Variants in RAD51B observed in about 807,000 individuals in gnomAD.
RAD51B encodes RAD51 paralog B.
Under a neutral mutation model 42.2 loss-of-function variants are expected in RAD51B, and 38 were observed. The observed-to-expected ratio is 0.90, with a 90% CI of 0.70 to 1.18. The LOEUF is 1.18. RAD51B is among the 50% of genes most tolerant of loss of function. RAD51B has a pLI of 0.00. For synonymous variants in RAD51B, 154 were observed against 145.2 expected (o/e 1.06, Z -0.43); for missense variants, 373 against 400.7 (o/e 0.93, Z 0.59).
At chr14:68,511,296 A>G (rs1885711306) in intron 10 of RAD51B, among the ~76,000 whole-genome samples, 1 of 152,196 alleles carries the variant, frequency 6.6e-6, no homozygotes, top group Admixed American at 6.5e-5. Context: ...TGGAAGGGTT[A>G]CTGCAGCCTT....
intron 9 of RAD51B, among the ~76,000 whole-genome samples, chr14:68,441,307 C>T (rs2085279605): frequency 6.8e-6 from 1 of 147,474 alleles, no homozygotes; most frequent in Non-Finnish European, 1.5e-5. Context: ...CTTTGGGAGG[C>T]CGAGGTGGGT....
At chr14:68,245,653 C>T (rs1286439212) in intron 7 of RAD51B, among the ~76,000 whole-genome samples, 1 of 152,222 alleles carries the variant, frequency 6.6e-6, no homozygotes, top group Non-Finnish European at 1.5e-5. Context: ...ACTTTAGACG[C>T]ATATCCCTAA....
At chr14:68,088,020 TTATA>T (rs1376998719) in intron 7 of RAD51B, among the ~76,000 whole-genome samples, 1 of 132,834 alleles carries the variant, frequency 7.5e-6, no homozygotes, top group African/African-American at 2.9e-5. Flanking sequence ...TAATATATTA[TTATA>T]TATAATTATA....
chr14:68,242,752 C>A (rs1251486311), intron 7 of RAD51B, among the ~76,000 whole-genome samples: 2 of 152,188 alleles, frequency 1.3e-5, no homozygotes, highest in Non-Finnish European at 2.9e-5. Context: ...ATATTTGTGA[C>A]AACCACATGA....
At chr14:67,861,945 C>G (rs986672490) in intron 4 of RAD51B, among the ~76,000 whole-genome samples, 11 of 141,040 alleles carry the variant, frequency 7.8e-5, no homozygotes, top group Non-Finnish European at 1.1e-4. Context: ...GTATACTCTT[C>G]AAAAATGTTA....
intron 8 of RAD51B, among the ~76,000 whole-genome samples, chr14:68,352,258 CG>C (rs2082806311): frequency 6.6e-6 from 1 of 152,174 alleles, no homozygotes; most frequent in Non-Finnish European, 1.5e-5. Context: ...GCTTAAACAA[CG>C]TTGTGGTGCT....
At chr14:67,985,777 G>A (rs1272733351) in intron 7 of RAD51B, among the ~76,000 whole-genome samples, 1 of 152,090 alleles carries the variant, frequency 6.6e-6, no homozygotes. Context: ...TGGTGTGGTG[G>A]TGCGTCCCTG....
intron 5 of RAD51B, among the ~76,000 whole-genome samples, chr14:67,871,795 A>G (rs1474495846): frequency 1.3e-5 from 2 of 152,290 alleles, no homozygotes; most frequent in African/African-American, 4.8e-5. Flanking sequence ...ATGCAAATCA[A>G]TAAATGTAAT....
intron 7 of RAD51B, among the ~76,000 whole-genome samples, chr14:67,900,965 T>C (rs10145884): frequency 0.062 from 9,505 of 152,242 alleles, 709 homozygotes; most frequent in African/African-American, 0.18. Flanking sequence ...AGTTTTTGTC[T>C]CATGACCAAG....
chr14:68,215,198 G>A (rs79762235), intron 7 of RAD51B, among the ~76,000 whole-genome samples: 3,105 of 152,240 alleles, frequency 0.02, 95 homozygotes, highest in African/African-American at 0.065. Flanking sequence ...GGAATGAGAA[G>A]AAAGTGATTT....
chr14:68,064,219 C>T (rs778954470), intron 7 of RAD51B, among the ~76,000 whole-genome samples: 2 of 152,104 alleles, frequency 1.3e-5, no homozygotes, highest in East Asian at 1.9e-4. Context: ...TAGCTTTGAT[C>T]GGTATAGTAT....
At chr14:68,681,115 G>A (rs74060022) in intron 11 of RAD51B, among the ~76,000 whole-genome samples, 8 of 152,258 alleles carry the variant, frequency 5.3e-5, no homozygotes, top group Non-Finnish European at 1.0e-4. Flanking sequence ...ACTCTGTCCA[G>A]TAATCCTGTA....
rs76740924 is a variant in RAD51B at position 67,922,310 on chromosome 14, C to G, written c.756+35106C>G. 6.2e-4 allele frequency among the ~76,000 whole-genome samples: 94 copies of G among 152,252 alleles called. 2 individuals are homozygous for G. The East Asian group carries it at 0.014, about 23-fold the overall frequency. On this transcript the variant is annotated intron_variant, in intron 7 of 10. Transcript: ENST00000471583. ...GTTGGTGTTCTCCCTTAGATTTGGG[C>G]TTTATTGCCTCTTGCTGTCAGCTTT...
chr14:68,375,858 C>G (rs1161262090), intron 8 of RAD51B, among the ~76,000 whole-genome samples: 2 of 151,996 alleles, frequency 1.3e-5, no homozygotes, highest in African/African-American at 4.8e-5. Flanking sequence ...GAATGAAAAT[C>G]ACCAAGTTTA....
intron 10 of RAD51B, among the ~76,000 whole-genome samples, chr14:68,483,336 T>C (rs566859870): frequency 6.6e-6 from 1 of 152,300 alleles, no homozygotes; most frequent in South Asian, 2.1e-4. Context: ...ATCAAAGATT[T>C]ATGGGGTAGT....
chr14:68,640,250 G>A (rs942197317), intron 10 of RAD51B, among the ~76,000 whole-genome samples: 1 of 152,220 alleles, frequency 6.6e-6, no homozygotes, highest in African/African-American at 2.4e-5. Flanking sequence ...GGGACTCTCT[G>A]TGGTGCAGCA....
At chr14:68,306,635 G>C (rs2081871084) in intron 8 of RAD51B, 1 of 515,550 alleles carries the variant, frequency 1.9e-6, no homozygotes, top group Admixed American at 2.0e-5. Context: ...TTGATCCTCT[G>C]GCCTAATAAA....
chr14:67,820,548 G>A (rs1286834136), intron 1 of RAD51B, among the ~76,000 whole-genome samples: 1 of 152,024 alleles, frequency 6.6e-6, no homozygotes, highest in Non-Finnish European at 1.5e-5. Flanking sequence ...ATACACCGCA[G>A]GAATTTACGT....
intron 10 of RAD51B, among the ~76,000 whole-genome samples, chr14:68,583,049 A>C (rs771020714): frequency 6.6e-6 from 1 of 152,230 alleles, no homozygotes; most frequent in Non-Finnish European, 1.5e-5. Context: ...AACCTAATGT[A>C]GATAACAGGT....
Sources: allele counts gnomAD v4.1 joint callset (sites outside exome capture counted in the v4.1 genomes callset), GRCh38; gene constraint gnomAD v4.1.1; transcripts MANE v1.5; gene names NCBI Gene and HGNC (gene_info 2026-07-23, HGNC 2026-07-21).